Variants in ANKS1B observed in about 807,000 individuals in gnomAD.
ANKS1B encodes the protein ankyrin repeat and sterile alpha motif domain-containing protein 1B.
In ANKS1B, 36 loss-of-function variants were observed where a neutral mutation model predicts 148.3. The observed-to-expected ratio is 0.24, with a 90% CI of 0.19 to 0.32. The LOEUF is 0.32. Ranked by LOEUF, ANKS1B falls within the 10% of genes least tolerant of loss-of-function variation. The pLI, the probability that ANKS1B is intolerant of heterozygous loss-of-function variation, is 1.00. For missense variants in ANKS1B, 1,157 were observed against 1,542.6 expected, an observed-to-expected ratio of 0.75 and a Z score of 4.19; for synonymous variants, 542 against 560.8, an observed-to-expected ratio of 0.97 and a Z score of 0.47.
At chr12:99,237,595 G>A (rs1034099899) in intron 14 of ANKS1B, among the ~76,000 whole-genome samples, 5 of 152,136 alleles carry the variant, frequency 3.3e-5, no homozygotes, top group Admixed American at 1.3e-4. Flanking sequence ...ACATAAAGAT[G>A]ATTAACACAC....
intron 9 of ANKS1B, among the ~76,000 whole-genome samples, chr12:99,586,247 C>T (rs2097638249): frequency 6.6e-6 from 1 of 152,144 alleles, no homozygotes; most frequent in African/African-American, 2.4e-5. Flanking sequence ...CCTAAATCAT[C>T]TCTCTCAAGT....
At chr12:99,000,037 T>C (rs1257505456) in intron 17 of ANKS1B, among the ~76,000 whole-genome samples, 2 of 151,970 alleles carry the variant, frequency 1.3e-5, no homozygotes, top group Non-Finnish European at 2.9e-5. Flanking sequence ...CCTCTTCTTA[T>C]GTTGGAATGT....
chr12:99,001,423 C>T (rs966905637), intron 17 of ANKS1B, among the ~76,000 whole-genome samples: 1 of 152,144 alleles, frequency 6.6e-6, no homozygotes, highest in African/African-American at 2.4e-5. Flanking sequence ...GCCACCATGC[C>T]AGGCCCCAGT....
intron 11 of ANKS1B, among the ~76,000 whole-genome samples, chr12:99,423,246 C>G (rs992872125): frequency 2.0e-5 from 3 of 152,152 alleles, no homozygotes; most frequent in Non-Finnish European, 4.4e-5. Flanking sequence ...TTCAACATCA[C>G]TGATCATTAG....
chr12:99,952,387 A>G (rs139815089), intron 1 of ANKS1B, among the ~76,000 whole-genome samples: 6 of 152,334 alleles, frequency 3.9e-5, no homozygotes, highest in Admixed American at 3.9e-4. Context: ...TGAAACTTCT[A>G]AAATTTTTTA....
chr12:99,059,427 CTCCATGTT>C (rs2041579603), intron 16 of ANKS1B, among the ~76,000 whole-genome samples: 1 of 152,258 alleles, frequency 6.6e-6, no homozygotes, highest in South Asian at 2.1e-4. Context: ...GTATTTTGTA[CTCCATGTT>C]ATGAAAACTA....
At chr12:99,462,163 A>C (rs754288932) in intron 10 of ANKS1B, among the ~76,000 whole-genome samples, 1 of 152,212 alleles carries the variant, frequency 6.6e-6, no homozygotes, top group Non-Finnish European at 1.5e-5. Context: ...CTTCAGATAT[A>C]AAACATTTAT....
intron 1 of ANKS1B, among the ~76,000 whole-genome samples, chr12:99,969,416 T>C (rs1361668620): frequency 1.3e-5 from 2 of 152,266 alleles, no homozygotes; most frequent in Middle Eastern, 3.4e-3. Flanking sequence ...ACTCCTTGGC[T>C]CAAGCAATCC....
At chr12:99,886,838 A>G (rs559205606) in intron 1 of ANKS1B, among the ~76,000 whole-genome samples, 100 of 152,324 alleles carry the variant, frequency 6.6e-4, no homozygotes, top group Admixed American at 6.1e-3. Context: ...CTTAAGAACC[A>G]AACCTTTTTC....
intron 17 of ANKS1B, among the ~76,000 whole-genome samples, chr12:98,833,643 A>C (rs1401977291): frequency 6.6e-6 from 1 of 152,076 alleles, no homozygotes. Flanking sequence ...GGTTTGTTAC[A>C]TGAATACACT....
chr12:99,281,563 T>C (rs1471430000), intron 12 of ANKS1B, among the ~76,000 whole-genome samples: 1 of 152,210 alleles, frequency 6.6e-6, no homozygotes, highest in African/African-American at 2.4e-5. Context: ...ATACTGTCTG[T>C]TGGCGGGTAC....
At chr12:99,251,861 C>A (rs2074644383) in intron 12 of ANKS1B, among the ~76,000 whole-genome samples, 1 of 152,048 alleles carries the variant, frequency 6.6e-6, no homozygotes, top group Non-Finnish European at 1.5e-5. Flanking sequence ...TTAGTAGAAA[C>A]TGTGAATTTA....
chr12:98,817,860 C>A (rs1363384152), intron 19 of ANKS1B, among the ~76,000 whole-genome samples: 1 of 152,178 alleles, frequency 6.6e-6, no homozygotes, highest in African/African-American at 2.4e-5. Context: ...TGACCTTCCC[C>A]TGTGCCTGTG....
chr12:99,282,583 C>G (rs939621783), intron 12 of ANKS1B, among the ~76,000 whole-genome samples: 2 of 152,076 alleles, frequency 1.3e-5, no homozygotes, highest in African/African-American at 4.8e-5. Flanking sequence ...AAGACCATGG[C>G]TTGGTCTAAA....
At chr12:98,916,202 C>T (rs2099794172) in intron 17 of ANKS1B, among the ~76,000 whole-genome samples, 1 of 152,206 alleles carries the variant, frequency 6.6e-6, no homozygotes, top group South Asian at 2.1e-4. Context: ...CACTGCTGAG[C>T]TACTGAGCTA....
chr12:99,104,247 G>A (rs2058651145), intron 15 of ANKS1B, among the ~76,000 whole-genome samples: 1 of 152,206 alleles, frequency 6.6e-6, no homozygotes, highest in Non-Finnish European at 1.5e-5. Flanking sequence ...ATGAGATATT[G>A]AGTGTATATG....
At chr12:99,418,954 T>C (rs10467005) in intron 11 of ANKS1B, among the ~76,000 whole-genome samples, 25,181 of 152,154 alleles carry the variant, frequency 0.17, 2,439 homozygotes, top group African/African-American at 0.27. Context: ...AAATATTGAA[T>C]GAGTTATGCA....
intron 4 of ANKS1B, among the ~76,000 whole-genome samples, chr12:99,782,473 C>T (rs540941816): frequency 6.6e-5 from 10 of 152,052 alleles, no homozygotes; most frequent in African/African-American, 1.2e-4. Flanking sequence ...GCAGGAGAAT[C>T]GCTTGAACTC....
intron 21 of ANKS1B, among the ~76,000 whole-genome samples, chr12:98,800,690 A>ATG (rs1555338199): frequency 1.5e-5 from 2 of 137,920 alleles, no homozygotes; most frequent in Admixed American, 7.2e-5. Flanking sequence ...ATATATATAT[A>ATG]TGCCATATTT....
Sources: gnomAD v4.1 joint callset for allele counts (sites outside exome capture counted in the v4.1 genomes callset) on GRCh38, gnomAD v4.1.1 for gene constraint, MANE v1.5 for transcripts, NCBI Gene and HGNC (gene_info 2026-07-23, HGNC 2026-07-21) for gene names.